Variants in ZNF777 observed in about 807,000 individuals in gnomAD.
ZNF777 encodes the protein zinc finger protein 777.
A neutral mutation model predicts 72.1 loss-of-function variants in ZNF777; 7 were observed. The ratio of observed to expected loss-of-function variants is 0.10; its 90% CI spans 0.06 to 0.18. ZNF777 has a LOEUF of 0.18. Ranked by LOEUF, ZNF777 falls within the 10% of genes least tolerant of loss-of-function variation. ZNF777 has a pLI of 1.00. For missense variants in ZNF777, 828 were observed against 1,128.6 expected (o/e 0.73, Z 3.82); for synonymous variants, 545 against 483.5 (o/e 1.13, Z -1.67).
rs73166023 is a variant in ZNF777 at position 149,451,068 on chromosome 7, C to T, written c.1018G>A (p.Gly340Arg). The change falls in exon 4 of 6, where the codon GGG becomes AGG. Residue 340 changes from glycine to arginine, a missense_variant. Gly to Arg is a moderately radical substitution (Grantham distance 125, BLOSUM62 -2). This residue lies in a region of ZNF777 where 73 missense variants were observed against 90.6 expected (regional missense o/e 0.81). Coordinates refer to ENST00000247930, the MANE Select transcript of ZNF777 (RefSeq NM_015694.3). ...KPDLMSQMER[G>R]ERPTMQEQED... is the part of the protein sequence containing the mutation. ...TGCTCCTGCATGGTGGGCCGCTCCC[C>T]GCGCTCCATCTGTGACATGAGGTCT... 5.8e-4 allele frequency: 942 copies of T among 1,614,022 alleles called. No homozygotes were observed. The highest frequency in any genetic ancestry group is 7.6e-4 in the Non-Finnish European group (894 of 1,180,016).
intron 1 of ZNF777, among the ~76,000 whole-genome samples, chr7:149,459,229 C>G (rs994279487): frequency 2.6e-5 from 4 of 152,202 alleles, no homozygotes; most frequent in Admixed American, 2.0e-4. Flanking sequence ...CTCAAAGGCA[C>G]TGACTCCCAT....
rs1799414744 is a variant in ZNF777 at position 149,436,580 on chromosome 7, C to A, written c.1334G>T (p.Cys445Phe). The change falls in exon 5 of 6, where the codon TGC becomes TTC. Residue 445 changes from cysteine (C) to phenylalanine (F), a missense_variant. Physicochemically the swap from Cys to Phe is radical, Grantham distance 205 (BLOSUM62 -2). Coordinates refer to ENST00000247930, the MANE Select transcript of ZNF777 (RefSeq NM_015694.3). The surrounding 1 kb of genome is among the most constrained non-coding windows in gnomAD (Gnocchi z 5.0). ...CGTCCCCGCCCAGCACTCACCCGTG[C>A]AGTTCCTCTGCTGCACCAGCATCTG... ...LKQMLVQQRN[C>F]TEGIVIKTEE... The A allele has an allele frequency of 6.2e-7, 1 of 1,602,616 alleles. No individual in the cohort carries two copies.
In ZNF777 at chr7:149,460,087, A is replaced by T. The variant is rs1799918862; in HGVS notation, c.-16+728T>A. ...CACGCAGGCCGTCCCCGGGGCCCCG[A>T]GGCCGCGCGTCCGTGCGCGCGCGGG... On this transcript the variant is annotated intron_variant, in intron 1 of 5. Transcript: ENST00000247930. This position sits in a 1 kb window ranked among gnomAD's most constrained non-coding sequence, Gnocchi z 6.1. 1.0e-6 allele frequency: 1 copy of T among 979,460 alleles called. No homozygotes were observed. The highest frequency in any genetic ancestry group is 1.8e-5 in the African/African-American group (1 of 55,634). The allele number at this position is 979,460 out of a possible 1,614,324, so 60.7% of individuals were successfully genotyped here. A position where few individuals can be genotyped will look rare whatever the true frequency, so the allele number is the denominator to read the frequency against.
chr7:149,457,064 A>G (rs1195217369), intron 1 of ZNF777, among the ~76,000 whole-genome samples: 1 of 152,144 alleles, frequency 6.6e-6, no homozygotes, highest in Non-Finnish European at 1.5e-5. Context: ...GGGGAAGTAG[A>G]GCAGAAGTCA....
rs200379456 is a variant in ZNF777 at position 149,455,170 on chromosome 7, T to C, written c.846+7A>G. On this transcript the variant is annotated splice_region_variant and intron_variant, in intron 2 of 5. Coordinates refer to ENST00000247930, the MANE Select transcript of ZNF777 (RefSeq NM_015694.3). This position sits in a 1 kb window ranked among gnomAD's most constrained non-coding sequence, Gnocchi z 4.2. ...TCCTTGGGAAGCCCCAGTTGGGATG[T>C]GCTTACCTTGGGAACTTCTCCATTG... 1.2e-5 allele frequency: 20 copies of C among 1,607,620 alleles called. No homozygotes were observed. The highest frequency in any genetic ancestry group is 1.6e-5 in the Non-Finnish European group (19 of 1,177,196).
chr7:149,433,019 T>A (rs1413817861), intron 5 of ZNF777, 87 bp from the exon 6 acceptor site: 3 of 1,420,954 alleles, frequency 2.1e-6, no homozygotes, highest in African/African-American at 1.4e-5. Context: ...TGCTTCACCC[T>A]CACCAAAACA....
chr7:149,443,975 GCTGACT>G (rs1799566466), intron 4 of ZNF777, among the ~76,000 whole-genome samples: 1 of 152,134 alleles, frequency 6.6e-6, no homozygotes, highest in African/African-American at 2.4e-5. Flanking sequence ...AATGATTCCA[GCTGACT>G]CTTTGGTCAT....
In ZNF777 at chr7:149,456,065, G is replaced by T. The variant is rs760072186; in HGVS notation, c.-15-28C>A. The T allele has an allele frequency of 4.0e-6, 6 of 1,514,640 alleles. No homozygotes were observed. The African/African-American group carries it at 7.0e-5, about 18-fold the overall frequency. 93.8% of individuals were successfully genotyped at this position (1,514,640 alleles called of 1,614,324 possible). A position where few individuals can be genotyped will look rare whatever the true frequency, so the allele number is the denominator to read the frequency against. On this transcript the variant is annotated intron_variant, in intron 1 of 5. Coordinates refer to ENST00000247930, the MANE Select transcript of ZNF777 (RefSeq NM_015694.3). ...GTGTTCATGGAAGAAAGGAAAAGAG[G>T]ATTAAAGGCCACAGTCTCCAGCTAG...
rs1157357536 is a variant in ZNF777 at position 149,436,616 on chromosome 7, C to T, written c.1298G>A (p.Ser433Asn). ...EESTEGSSEFSELKQMLVQQR... is the reference protein window; with the variant it reads ...EESTEGSSEFNELKQMLVQQR... ...CTGCACCAGCATCTGCTTCAGTTCG[C>T]TGAACTCGCTGGAGCCTTCCGTGGA... The change falls in exon 5 of 6, where the codon AGC becomes AAC. Residue 433 changes from serine (S) to asparagine (N), a missense_variant. Physicochemically the swap from Ser to Asn is conservative, Grantham distance 46. Transcript: ENST00000247930. The surrounding 1 kb of genome is among the most constrained non-coding windows in gnomAD (Gnocchi z 5.0). 1 of 1,612,178 alleles carries T rather than the reference C, an allele frequency of 6.2e-7. No individual in the cohort carries two copies. The highest frequency in any genetic ancestry group is 1.7e-4 in the Middle Eastern group (1 of 6,060).
rs1222995805 is a variant in ZNF777 at position 149,432,442 on chromosome 7, C to T, written c.1830G>A (p.Thr610=). The T allele has an allele frequency of 1.9e-6, 3 of 1,613,436 alleles. No homozygotes were observed. The highest frequency in any genetic ancestry group is 1.1e-5 in the South Asian group (1 of 91,062). ...GGCVSPERGP[T]FNPKHALKPR... Reference sequence around the variant, plus strand: ...GCTTGAGCGCGTGCTTGGGGTTGAACGTGGGCCCGCGTTCGGGTGAGACGC... The same window carrying T: ...GCTTGAGCGCGTGCTTGGGGTTGAATGTGGGCCCGCGTTCGGGTGAGACGC... The change falls in exon 6 of 6, where the codon ACG becomes ACA. Residue 610 remains threonine (T), a synonymous_variant. Transcript: ENST00000247930.
rs1454376865 is a variant in ZNF777 at position 149,448,340 on chromosome 7, C to G, written c.1087+2659G>C. Among the ~76,000 whole-genome samples the G allele has an allele frequency of 2.6e-5, 4 of 151,070 alleles. No individual in the cohort carries two copies. The East Asian group carries it at 7.8e-4, about 29-fold the overall frequency. On this transcript the variant is annotated intron_variant, in intron 4 of 5. Transcript: ENST00000247930. The stretch of plus-strand genomic sequence containing the variant: ...AAAAAATTAGCTGGGCGTGGTGGCA[C>G]ACACCTGTAATCCCAGCTACTCAGG...
chr7:149,460,328 G>T lies in ZNF777; in HGVS notation c.-16+487C>A, dbSNP rs1018588377. Among the ~76,000 whole-genome samples, 4 of 145,900 alleles carry T rather than the reference G, an allele frequency of 2.7e-5. No homozygotes were observed. The highest frequency in any genetic ancestry group is 9.8e-5 in the African/African-American group (4 of 40,736). Reference sequence around the variant, plus strand: ...GGGCCCCGGCCTGCTCGGGGCGCGCGGGGCGAGCGGGCGCGGGGTCGCGGA... The same window carrying T: ...GGGCCCCGGCCTGCTCGGGGCGCGCTGGGCGAGCGGGCGCGGGGTCGCGGA... On this transcript the variant is annotated intron_variant, in intron 1 of 5. Transcript: ENST00000247930. The surrounding 1 kb of genome is among the most constrained non-coding windows in gnomAD (Gnocchi z 6.1).
chr7:149,439,092 A>G (rs1799465465), intron 4 of ZNF777, among the ~76,000 whole-genome samples: 1 of 151,442 alleles, frequency 6.6e-6, no homozygotes, highest in African/African-American at 2.4e-5. Flanking sequence ...TTTCTCTCCA[A>G]TCTCAGGGAA....
rs112823755 is a variant in ZNF777 at position 149,453,700 on chromosome 7, T to A, written c.973+411A>T. Reference sequence around the variant, plus strand: ...TGCAGGTCCAAGGAGATGATACTTGTACAGCACCTCAAATGTGGCTGGTAC... The same window carrying A: ...TGCAGGTCCAAGGAGATGATACTTGAACAGCACCTCAAATGTGGCTGGTAC... On this transcript the variant is annotated intron_variant, in intron 3 of 5. Transcript: ENST00000247930. 3.3e-5 allele frequency among the ~76,000 whole-genome samples: 5 copies of A among 152,348 alleles called. No homozygotes were observed. The East Asian group carries it at 9.6e-4, about 29-fold the overall frequency.
intron 4 of ZNF777, among the ~76,000 whole-genome samples, chr7:149,448,583 A>ATATATATATATAACTATATATATATAAC (rs1799656757): frequency 1.1e-4 from 2 of 19,030 alleles, no homozygotes; most frequent in African/African-American, 1.2e-3. Flanking sequence ...ATATAACTAT[A>ATATATATATATAACTATATATATATAAC]TATATATATA....
rs1310899058 is a variant in ZNF777 at position 149,431,654 on chromosome 7, G to A, written c.*122C>T. The stretch of plus-strand genomic sequence containing the variant: ...TTGGGAGGAGGGACGAGAGGAGAGG[G>A]GGAGCTCACGGCAAAGGGGCTGGGG... On this transcript the variant is annotated 3_prime_UTR_variant, in exon 6 of 6. Coordinates refer to ENST00000247930, the MANE Select transcript of ZNF777 (RefSeq NM_015694.3). 1.6e-5 allele frequency: 14 copies of A among 899,764 alleles called. No individual in the cohort carries two copies. The highest frequency in any genetic ancestry group is 8.1e-5 in the Admixed American group (2 of 24,808). 55.7% of individuals were successfully genotyped at this position (899,764 alleles called of 1,614,324 possible). A position where few individuals can be genotyped will look rare whatever the true frequency, so the allele number is the denominator to read the frequency against.
chr7:149,455,210 C>T lies in ZNF777; in HGVS notation c.813G>A (p.Arg271=). 6.2e-7 allele frequency: 1 copy of T among 1,613,790 alleles called. No homozygotes were observed. The highest frequency in any genetic ancestry group is 1.1e-5 in the South Asian group (1 of 91,054). ...CTTCTCCATTGCTGCCGGGGGGCAG[C>T]CGCAGGATCCAGAAATTTCTGTTTT... The part of the protein sequence containing the change: ...LLKNRNFWIL[R]LPPGSNGEVP... Residue 271 remains arginine (R), a synonymous_variant, in exon 2 of 6, where the codon CGG becomes CGA. Coordinates refer to ENST00000247930, the MANE Select transcript of ZNF777 (RefSeq NM_015694.3). The surrounding 1 kb of genome is among the most constrained non-coding windows in gnomAD (Gnocchi z 4.2).
intron 4 of ZNF777, among the ~76,000 whole-genome samples, chr7:149,448,501 A>G (rs6959308): frequency 7.4e-6 from 1 of 135,852 alleles, no homozygotes; most frequent in Non-Finnish European, 1.5e-5. Context: ...ATATATATAT[A>G]TATATATATA....
intron 5 of ZNF777, among the ~76,000 whole-genome samples, chr7:149,434,404 A>C (rs2116568994): frequency 6.6e-6 from 1 of 152,298 alleles, no homozygotes; most frequent in South Asian, 2.1e-4. Flanking sequence ...GAAGCGACCC[A>C]GAACATCCTT....
Sources: allele counts gnomAD v4.1 joint callset (sites outside exome capture counted in the v4.1 genomes callset), GRCh38; gene constraint gnomAD v4.1.1; regional missense constraint gnomAD v4.1.1; non-coding constraint Gnocchi (gnomAD v3.1); transcripts MANE v1.5; gene names NCBI Gene and HGNC (gene_info 2026-07-23, HGNC 2026-07-21).